IRS1: variants seen among roughly 807,000 people sequenced by gnomAD.
IRS1 encodes insulin receptor substrate 1.
A neutral mutation model predicts 65.6 loss-of-function variants in IRS1; 34 were observed. The observed-to-expected ratio is 0.52, with a 90% CI of 0.39 to 0.69. The LOEUF (loss-of-function observed/expected upper bound fraction) is 0.69. IRS1 is among the 30% of genes least tolerant of loss of function. The pLI is 0.00. For synonymous variants in IRS1, 699 were observed against 683.5 expected, an observed-to-expected ratio of 1.02 and a Z score of -0.35; for missense variants, 1,641 against 1,720.2, an observed-to-expected ratio of 0.95 and a Z score of 0.81.
intron 1 of IRS1, among the ~76,000 whole-genome samples, chr2:226,766,148 TATATATATATATATA>T (rs1465893256): frequency 5.4e-4 from 4 of 7,436 alleles, no homozygotes; most frequent in South Asian, 5.1e-3. Flanking sequence ...TATATATATA[TATATATATATATATA>T]TTTTTTTTTT....
intron 1 of IRS1, among the ~76,000 whole-genome samples, chr2:226,740,549 GC>G (rs1028081473): frequency 3.9e-5 from 6 of 152,130 alleles, no homozygotes; most frequent in African/African-American, 1.2e-4. Context: ...TGGGAAAGCA[GC>G]TGGAAACAGC....
rs1175477885 is a variant in IRS1, at chr2:226,734,750, A to C, written c.*1522T>G. On this transcript the variant is annotated 3_prime_UTR_variant, in exon 2 of 2. Transcript: ENST00000305123. ...TAAAAAGATTTAAAAATCTGTCGGC[A>C]ATATCTTTAAATGCATTCATTGCCA... is the stretch of plus-strand genomic sequence containing the variant. The C allele has an allele frequency of 6.6e-6, 1 of 152,232 alleles. No individual in the cohort carries two copies. The highest frequency in any genetic ancestry group is 1.5e-5 in the Non-Finnish European group (1 of 68,038). 9.4% of individuals were successfully genotyped at this position (152,232 alleles called of 1,614,324 possible). A position where few individuals can be genotyped will look rare whatever the true frequency, so the allele number is the denominator to read the frequency against.
chr2:226,764,184 T>G (rs1255327114), intron 1 of IRS1, among the ~76,000 whole-genome samples: 1 of 151,896 alleles, frequency 6.6e-6, no homozygotes, highest in East Asian at 1.9e-4. Flanking sequence ...TGCACTGCTA[T>G]GGTGTATGTT....
At position 226,737,675 on chromosome 2, in the gene IRS1, A is replaced by G. The variant is rs137934942; in HGVS notation, c.*22-1425T>C. Among the ~76,000 whole-genome samples the G allele has an allele frequency of 8.4e-3, 1,278 of 152,296 alleles. 25 individuals carry two copies. Among genetic ancestry groups the G allele is most frequent in the African/African-American group, 0.029 (1,222 of 41,568 alleles). ...CATCAGTACATGCCAAGATACATGC[A>G]TGGGGGCAATAGCTCTAGACACATG... is the stretch of plus-strand genomic sequence containing the variant. On this transcript the variant is annotated intron_variant, in intron 1 of 1. Transcript: ENST00000305123.
rs995616664 is a variant in IRS1 at position 226,779,279 on chromosome 2, G to A, written c.*21+15710C>T. On this transcript the variant is annotated intron_variant, in intron 1 of 1. Coordinates refer to ENST00000305123, the MANE Select transcript of IRS1 (RefSeq NM_005544.3). ...CCCACCAAGTATTAGCAGTAGTAAT[G>A]TAGTTAACAAAAACTTTATTTTCCT... 2.6e-5 allele frequency among the ~76,000 whole-genome samples: 4 copies of A among 152,238 alleles called. No individual in the cohort carries two copies. In the East Asian group the frequency reaches 7.7e-4, roughly 29 times the overall value.
chr2:226,796,018 G>A lies in IRS1; in HGVS notation c.2721C>T (p.Gly907=), dbSNP rs1368308803. The change falls in exon 1 of 2, where the codon GGC becomes GGT. Residue 907 remains glycine, a synonymous_variant. Transcript: ENST00000305123. The part of the protein sequence containing the change: ...VNIEFGSDQS[G]YLSGPVAFHS... ...GGAAAGCCACCGGGCCAGACAAGTAGCCAGACTGATCACTCCCAAATTCAA... is the reference window on the plus strand; with the variant it reads ...GGAAAGCCACCGGGCCAGACAAGTAACCAGACTGATCACTCCCAAATTCAA... 6.2e-7 allele frequency: 1 copy of A among 1,614,044 alleles called. No individual in the cohort carries two copies. Among genetic ancestry groups the A allele is most frequent in the Non-Finnish European group, 8.5e-7 (1 of 1,180,048 alleles).
intron 1 of IRS1, among the ~76,000 whole-genome samples, chr2:226,779,836 A>G (rs1939346626): frequency 6.6e-6 from 1 of 152,238 alleles, no homozygotes; most frequent in African/African-American, 2.4e-5. Context: ...GAAGTGTGGA[A>G]ACAAAAGTCA....
chr2:226,764,314 T>C (rs914272169), intron 1 of IRS1, among the ~76,000 whole-genome samples: 3 of 150,164 alleles, frequency 2.0e-5, no homozygotes, highest in Non-Finnish European at 4.4e-5. Flanking sequence ...GAGGTCGAGG[T>C]GGGAGAATTG....
rs1939854457 is a variant in IRS1 at position 226,799,745 on chromosome 2, C to G, written c.-1007G>C. On this transcript the variant is annotated 5_prime_UTR_variant, in exon 1 of 2. Coordinates refer to ENST00000305123, the MANE Select transcript of IRS1 (RefSeq NM_005544.3). The surrounding 1 kb of genome is among the most constrained non-coding windows in gnomAD (Gnocchi z 6.1). ...GTCTGGCTCTGCGCGCCGGCCCCCT[C>G]CGACCGCGCCGCCGTCTCACTCGGA... 1 of 998,958 alleles carries G rather than the reference C, an allele frequency of 1.0e-6. No homozygotes were observed. Among genetic ancestry groups the G allele is most frequent in the South Asian group, 4.7e-5 (1 of 21,292 alleles). The allele number at this position is 998,958 out of a possible 1,614,324, so 61.9% of individuals were successfully genotyped here. A position where few individuals can be genotyped will look rare whatever the true frequency, so the allele number is the denominator to read the frequency against.
In IRS1 at chr2:226,796,889, G is replaced by A. The variant is rs1205996251; in HGVS notation, c.1850C>T (p.Pro617Leu). 3.1e-5 allele frequency: 48 copies of A among 1,540,168 alleles called. No homozygotes were observed. The highest frequency in any genetic ancestry group is 4.0e-5 in the Non-Finnish European group (46 of 1,142,836). ...HTDDGYMPMS[P>L]GVAPVPSGRK... is the part of the protein sequence containing the mutation. ...GCCACTGGGCACTGGGGCCACCCCT[G>A]GGGACATGGGCATGTAGCCATCATC... is the stretch of plus-strand genomic sequence containing the variant. Residue 617 changes from proline (P) to leucine (L), a missense_variant, in exon 1 of 2, where the codon CCA becomes CTA. By Grantham distance (98) the Pro-to-Leu change is moderately conservative. Transcript: ENST00000305123.
At chr2:226,764,732 C>A (rs940842032) in intron 1 of IRS1, among the ~76,000 whole-genome samples, 1 of 152,154 alleles carries the variant, frequency 6.6e-6, no homozygotes, top group Non-Finnish European at 1.5e-5. Flanking sequence ...CACAGCATAA[C>A]CTCTGTGAAT....
chr2:226,762,620 A>G (rs1938938414), intron 1 of IRS1, among the ~76,000 whole-genome samples: 1 of 152,220 alleles, frequency 6.6e-6, no homozygotes, highest in African/African-American at 2.4e-5. Context: ...GGGTGTTCCA[A>G]TAAGCTTTCC....
intron 1 of IRS1, among the ~76,000 whole-genome samples, chr2:226,768,794 G>A (rs976491031): frequency 6.6e-6 from 1 of 152,014 alleles, no homozygotes; most frequent in African/African-American, 2.4e-5. Context: ...CCCCCACCAC[G>A]CCCGGCTAAT....
At chr2:226,776,321 G>C (rs1281893844) in intron 1 of IRS1, among the ~76,000 whole-genome samples, 2 of 151,322 alleles carry the variant, frequency 1.3e-5, no homozygotes, top group Non-Finnish European at 2.9e-5. Context: ...AAGTAAATAA[G>C]AAGCAAATCT....
At chr2:226,737,262 G>C (rs1379046078) in intron 1 of IRS1, among the ~76,000 whole-genome samples, 2 of 151,930 alleles carry the variant, frequency 1.3e-5, no homozygotes, top group Non-Finnish European at 2.9e-5. Context: ...TCCCTACAAA[G>C]GACATGAACT....
Position 226,798,926 on chromosome 2 carries a change from C to T in IRS1, c.-188G>A. 2.1e-6 allele frequency: 3 copies of T among 1,463,078 alleles called. No individual in the cohort carries two copies. Among genetic ancestry groups the T allele is most frequent in the Non-Finnish European group, 2.7e-6 (3 of 1,107,938 alleles). 90.6% of individuals were successfully genotyped at this position (1,463,078 alleles called of 1,614,324 possible). On this transcript the variant is annotated 5_prime_UTR_variant, in exon 1 of 2. Transcript: ENST00000305123. The surrounding 1 kb of genome is among the most constrained non-coding windows in gnomAD (Gnocchi z 9.4). ...GCTGAAGGAGGACGCAGCTGCTGAG[C>T]CCAGGAGAGAGCCCGACCGGAGTTT...
intron 1 of IRS1, among the ~76,000 whole-genome samples, chr2:226,737,229 G>C (rs1391895984): frequency 6.6e-6 from 1 of 151,578 alleles, no homozygotes; most frequent in Non-Finnish European, 1.5e-5. Context: ...TACTGAGAAT[G>C]ATGATTTCCA....
intron 1 of IRS1, among the ~76,000 whole-genome samples, chr2:226,751,284 T>C (rs1275859728): frequency 7.2e-6 from 1 of 138,450 alleles, no homozygotes; most frequent in Non-Finnish European, 1.6e-5. Context: ...ATTTTTTTTT[T>C]TTTTTTTTTT....
Position 226,734,007 on chromosome 2 carries a change from C to T in IRS1, c.*2265G>A, listed in dbSNP as rs1938279093. On this transcript the variant is annotated 3_prime_UTR_variant, in exon 2 of 2. Transcript: ENST00000305123. The stretch of plus-strand genomic sequence containing the variant: ...TAGAGGTATCTCGGTAACACATATT[C>T]AAAGTGTAGGTTCCTTGAGAAATAA... 1 of 152,094 alleles carries T rather than the reference C, an allele frequency of 6.6e-6. No individual in the cohort carries two copies. Among genetic ancestry groups the T allele is most frequent in the Non-Finnish European group, 1.5e-5 (1 of 68,030 alleles). The allele number at this position is 152,094 out of a possible 1,614,324, so 9.4% of individuals were successfully genotyped here.
Sources: allele counts gnomAD v4.1 joint callset (sites outside exome capture counted in the v4.1 genomes callset), GRCh38; gene constraint gnomAD v4.1.1; non-coding constraint Gnocchi (gnomAD v3.1); transcripts MANE v1.5; gene names NCBI Gene and HGNC (gene_info 2026-07-23, HGNC 2026-07-21).